Variants in SAMMSON observed in about 807,000 individuals in gnomAD.
SAMMSON encodes the protein survival associated mitochondrial melanoma specific oncogenic non-coding RNA.
chr3:70,323,425 G>A (rs1575625716), intron 7 of SAMMSON, among the ~76,000 whole-genome samples: 1 of 152,096 alleles, frequency 6.6e-6, no homozygotes, highest in East Asian at 1.9e-4. Context: ...TTACATCACT[G>A]TATGCTTCCT....
At chr3:70,296,461 C>T (rs1702289674) in intron 7 of SAMMSON, among the ~76,000 whole-genome samples, 2 of 152,166 alleles carry the variant, frequency 1.3e-5, no homozygotes, top group Admixed American at 6.5e-5. Context: ...GAACCCATCA[C>T]CTCTCACACC....
chr3:70,325,563 C>A (rs1017154193), intron 7 of SAMMSON, among the ~76,000 whole-genome samples: 12 of 152,098 alleles, frequency 7.9e-5, no homozygotes, highest in African/African-American at 2.7e-4. Context: ...GTAATGTAGT[C>A]CCTTATATGG....
chr3:70,053,499 A>G (rs1205674587), intron 3 of SAMMSON, among the ~76,000 whole-genome samples: 1 of 152,122 alleles, frequency 6.6e-6, no homozygotes, highest in African/African-American at 2.4e-5. Flanking sequence ...CAGATGGGTG[A>G]CTCATTTCCT....
At position 70,355,114 on chromosome 3, in the gene SAMMSON, C is replaced by A. The variant is rs866755952; in HGVS notation, n.842+837C>A. Among the ~76,000 whole-genome samples, 7 of 152,124 alleles carry A rather than the reference C, an allele frequency of 4.6e-5. No individual in the cohort carries two copies. In the South Asian group the frequency reaches 8.3e-4, roughly 18 times the overall value. On this transcript the variant is annotated intron_variant and non_coding_transcript_variant, in intron 8 of 9. Transcript: ENST00000642114. ...CACCAGTAACCAGGTGCCTAACTCTCGGGTAGGAGACTTCAGGTCTCTTCT... is the reference window on the plus strand; with the variant it reads ...CACCAGTAACCAGGTGCCTAACTCTAGGGTAGGAGACTTCAGGTCTCTTCT...
chr3:70,003,198 T>C (rs1250763679), intron 1 of SAMMSON, among the ~76,000 whole-genome samples: 2 of 152,074 alleles, frequency 1.3e-5, no homozygotes, highest in African/African-American at 4.8e-5. Flanking sequence ...TTTTTACTCT[T>C]TTTAAAAATA....
Position 70,257,550 on chromosome 3 carries a change from T to TA in SAMMSON, n.674+7881dup, listed in dbSNP as rs1435174495. On this transcript the variant is annotated intron_variant and non_coding_transcript_variant, in intron 6 of 9. Transcript: ENST00000642114. Reference sequence around the variant, plus strand: ...AACTGGAAAATCAATTAGAGGAAGATACGCTTTGCAATGCCATCAAAACCC... The same window carrying TA: ...AACTGGAAAATCAATTAGAGGAAGATAACGCTTTGCAATGCCATCAAAACCC... Among the ~76,000 whole-genome samples the TA allele has an allele frequency of 2.0e-5, 3 of 151,944 alleles. No individual in the cohort carries two copies. The East Asian group carries it at 5.8e-4, about 29-fold the overall frequency.
intron 6 of SAMMSON, among the ~76,000 whole-genome samples, chr3:70,275,576 C>T (rs1430715490): frequency 6.6e-6 from 1 of 152,144 alleles, no homozygotes; most frequent in Non-Finnish European, 1.5e-5. Flanking sequence ...CTTGGGACTG[C>T]ACTGCCTAGG....
intron 4 of SAMMSON, among the ~76,000 whole-genome samples, chr3:70,088,606 G>A (rs2067294217): frequency 6.6e-6 from 1 of 152,132 alleles, no homozygotes; most frequent in Admixed American, 6.6e-5. Context: ...AAGGTGAGAC[G>A]GTAGCTGAGA....
intron 2 of SAMMSON, among the ~76,000 whole-genome samples, chr3:70,406,818 G>A (rs1196205139): frequency 1.3e-5 from 2 of 152,190 alleles, no homozygotes; most frequent in South Asian, 2.1e-4. Context: ...GACAATAGTT[G>A]AGACAGGTAG....
intron 9 of SAMMSON, among the ~76,000 whole-genome samples, chr3:70,376,134 T>A (rs1230974049): frequency 6.6e-6 from 1 of 152,202 alleles, no homozygotes; most frequent in Non-Finnish European, 1.5e-5. Flanking sequence ...AGAAGATACA[T>A]ATTGTAAGAT....
At chr3:70,140,784 A>G (rs1258858565) in intron 4 of SAMMSON, among the ~76,000 whole-genome samples, 1 of 152,208 alleles carries the variant, frequency 6.6e-6, no homozygotes, top group Non-Finnish European at 1.5e-5. Context: ...CTTCCAGTTT[A>G]TAATGAGAAT....
chr3:70,183,426 C>G (rs1289022039), intron 4 of SAMMSON: 2 of 152,132 alleles, frequency 1.3e-5, no homozygotes, highest in African/African-American at 4.8e-5. Context: ...AGTTGGAACA[C>G]AGTCCTTTTT....
chr3:70,193,675 A>G (rs896832350), intron 4 of SAMMSON, among the ~76,000 whole-genome samples: 4 of 152,192 alleles, frequency 2.6e-5, no homozygotes, highest in African/African-American at 9.6e-5. Flanking sequence ...AAATATTTAT[A>G]TTTTATCAGA....
At chr3:70,176,523 A>T (rs1363099531) in intron 4 of SAMMSON, among the ~76,000 whole-genome samples, 1 of 152,142 alleles carries the variant, frequency 6.6e-6, no homozygotes, top group South Asian at 2.1e-4. Flanking sequence ...TTCTTTTCCA[A>T]TGCCCCTCAA....
chr3:70,073,841 G>C (rs767606946), intron 4 of SAMMSON, among the ~76,000 whole-genome samples: 1 of 151,958 alleles, frequency 6.6e-6, no homozygotes, highest in Non-Finnish European at 1.5e-5. Context: ...CCATCAACTA[G>C]CCTGTATTCT....
At chr3:70,350,331 C>G (rs1702785160) in intron 7 of SAMMSON, among the ~76,000 whole-genome samples, 1 of 152,066 alleles carries the variant, frequency 6.6e-6, no homozygotes, top group Admixed American at 6.6e-5. Context: ...TTCCAAATAA[C>G]AATTATCTTC....
chr3:70,249,259 C>T (rs922366251), intron 5 of SAMMSON: 1 of 152,094 alleles, frequency 6.6e-6, no homozygotes, highest in African/African-American at 2.4e-5. Context: ...AGGGACAGAA[C>T]TGGATTCATT....
At chr3:70,252,280 A>G (rs991893281) in intron 6 of SAMMSON, among the ~76,000 whole-genome samples, 8 of 151,824 alleles carry the variant, frequency 5.3e-5, no homozygotes, top group South Asian at 2.1e-4. Flanking sequence ...AAGTATATGT[A>G]TCGTATGCTG....
chr3:70,207,262 G>A (rs1223186342), intron 4 of SAMMSON, among the ~76,000 whole-genome samples: 2 of 151,926 alleles, frequency 1.3e-5, no homozygotes, highest in Non-Finnish European at 2.9e-5. Flanking sequence ...TCTGTAAAAA[G>A]AAAAATGCAT....
Sources: allele counts gnomAD v4.1 joint callset (sites outside exome capture counted in the v4.1 genomes callset), GRCh38; gene constraint gnomAD v4.1.1; transcripts MANE v1.5; gene names NCBI Gene and HGNC (gene_info 2026-07-23, HGNC 2026-07-21).